Variants in CENPF observed in about 807,000 individuals in gnomAD.
CENPF encodes AH antigen.
Under a neutral mutation model 307.3 loss-of-function variants are expected in CENPF, and 214 were observed. The ratio of observed to expected loss-of-function variants is 0.70; its 90% confidence interval spans 0.62 to 0.78. The LOEUF is 0.78. Among genes scored for constraint, CENPF ranks in the 30% least tolerant of loss-of-function variants. The pLI is 0.00. For synonymous variants in CENPF, 1,259 were observed against 1,270.6 expected, an observed-to-expected ratio of 0.99 and a Z score of 0.19; for missense variants, 3,401 against 3,483.9, an observed-to-expected ratio of 0.98 and a Z score of 0.60.
At chr1:214,631,299 C>G (rs547403049) in intron 9 of CENPF, among the ~76,000 whole-genome samples, 16 of 152,296 alleles carry the variant, frequency 1.1e-4, no homozygotes, top group African/African-American at 3.8e-4. Flanking sequence ...TTCTCTTACA[C>G]TTGAATCTGC....
chr1:214,655,443 T>C (rs760590816), intron 17 of CENPF, 40 bp downstream of exon 17: 1 of 1,515,780 alleles, frequency 6.6e-7, no homozygotes, highest in Non-Finnish European at 8.8e-7. Context: ...CCAGAACTCT[T>C]TTCCAGTAGT....
chr1:214,627,016 C>A (rs1571704873), intron 7 of CENPF, among the ~76,000 whole-genome samples: 2 of 152,184 alleles, frequency 1.3e-5, no homozygotes, highest in African/African-American at 4.8e-5. Context: ...ATATTTTTGA[C>A]TAGGATACTG....
Position 214,643,451 on chromosome 1 carries a change from A to G in CENPF, c.4986+127A>G, listed in dbSNP as rs534101295. On this transcript the variant is annotated intron_variant, in intron 12 of 19. Transcript: ENST00000366955. ...TATTTTTAGGGTTCAAGGAAATAAA[A>G]TACACCAAAATATTTTCAAAACAAA... 208 of 793,814 alleles carry G rather than the reference A, an allele frequency of 2.6e-4. No individual in the cohort carries two copies. The African/African-American group carries it at 3.5e-3, about 13-fold the overall frequency. The allele number at this position is 793,814 out of a possible 1,614,324, so 49.2% of individuals were successfully genotyped here.
chr1:214,629,133 G>A lies in CENPF; in HGVS notation c.1156G>A (p.Glu386Lys), dbSNP rs1657736964. The change falls in exon 8 of 20, where the codon GAA becomes AAA. Residue 386 changes from glutamate to lysine, a missense_variant. Transcript: ENST00000366955. The part of the protein sequence containing the change: ...QNAESARCSL[E>K]QKIKEKEKEF... ...TGCAGAAAGTGCCAGATGTTCTCTG[G>A]AACAGAAAATTAAGGAAAAAGAAAA... 1.2e-6 allele frequency: 2 copies of A among 1,609,036 alleles called. No individual in the cohort carries two copies. Among genetic ancestry groups the A allele is most frequent in the Admixed American group, 3.4e-5 (2 of 58,830 alleles).
At chr1:214,608,479 G>A in intron 1 of CENPF, 5 of 1,612,826 alleles carry the variant, frequency 3.1e-6, no homozygotes, top group African/African-American at 2.7e-5. Context: ...CAGGTCCACG[G>A]CATTGCTGTG....
chr1:214,641,099 G>C lies in CENPF; in HGVS notation c.2761G>C (p.Glu921Gln). 2 of 1,577,118 alleles carry C rather than the reference G, an allele frequency of 1.3e-6. No individual in the cohort carries two copies. The highest frequency in any genetic ancestry group is 1.7e-6 in the Non-Finnish European group (2 of 1,170,324). Reference sequence around the variant, plus strand: ...GCTGCAACTTTTAAATGATAAGGTAGAAACTGAGCAGGCAGAGATTCAAGA... The same window carrying C: ...GCTGCAACTTTTAAATGATAAGGTACAAACTGAGCAGGCAGAGATTCAAGA... ...KELQLLNDKV[E>Q]TEQAEIQELK... is the part of the protein sequence containing the mutation. Residue 921 changes from glutamate (E) to glutamine (Q), a missense_variant, in exon 12 of 20, where the codon GAA becomes CAA. Coordinates refer to ENST00000366955, the MANE Select transcript of CENPF (RefSeq NM_016343.4).
chr1:214,605,468 C>A, intron 1 of CENPF: 16 of 445,452 alleles, frequency 3.6e-5, no homozygotes, highest in Admixed American at 7.5e-5. Context: ...AATTTTAAAT[C>A]TTTAATTTCT....
rs143023033 is a variant in CENPF at position 214,642,466 on chromosome 1, G to A, written c.4128G>A (p.Gln1376=). Residue 1376 remains glutamine, a synonymous_variant, in exon 12 of 20, where the codon CAG becomes CAA. Coordinates refer to ENST00000366955, the MANE Select transcript of CENPF (RefSeq NM_016343.4). ...AATTTGGTGAACAACCAAATGAACA[G>A]CACCCTGTGTCTTTGGCTCCATTGG... ...GGEFGEQPNE[Q]HPVSLAPLDE... The A allele has an allele frequency of 4.2e-5, 67 of 1,603,616 alleles. No individual in the cohort carries two copies. The African/African-American group carries it at 8.2e-4, about 20-fold the overall frequency.
At position 214,656,939 on chromosome 1, in the gene CENPF, T is replaced by A. The variant is rs1295945132; in HGVS notation, c.8492T>A (p.Val2831Asp). 1 of 1,602,822 alleles carries A rather than the reference T, an allele frequency of 6.2e-7. No homozygotes were observed. Among genetic ancestry groups the A allele is most frequent in the South Asian group, 1.1e-5 (1 of 89,634 alleles). ...AAQEKQKTGT[V>D]MDTKVDELTT... is the part of the protein sequence containing the mutation. ...GTTGCTTTACTTTGGACAGGTACTG[T>A]TATGGATACCAAGGTCGATGAATTA... Residue 2831 changes from valine (V) to aspartate (D), a missense_variant, in exon 18 of 20, where the codon GTT becomes GAT. Physicochemically the swap from Val to Asp is radical, Grantham distance 152 (BLOSUM62 -3). Coordinates refer to ENST00000366955, the MANE Select transcript of CENPF (RefSeq NM_016343.4).
chr1:214,658,898 G>A lies in CENPF; in HGVS notation c.9011G>A (p.Arg3004Lys). ...TGKTSPYILR[R>K]TTMATRTSPR... ...AAGACTAGCCCATATATCCTGCGAA[G>A]AACAACCATGGCAACTCGGACCAGC... The change falls in exon 19 of 20, where the codon AGA (arginine) becomes AAA (lysine). Residue 3004 changes from arginine (R) to lysine (K), a missense_variant. By Grantham distance (26) the Arg-to-Lys change is conservative. Coordinates refer to ENST00000366955, the MANE Select transcript of CENPF (RefSeq NM_016343.4). The A allele has an allele frequency of 6.2e-7, 1 of 1,614,094 alleles. No homozygotes were observed. Among genetic ancestry groups the A allele is most frequent in the South Asian group, 1.1e-5 (1 of 91,072 alleles).
chr1:214,642,907 A>C lies in CENPF; in HGVS notation c.4569A>C (p.Val1523=), dbSNP rs775394307. ...EGAVSANQCS[V]DEVFCSSLQE... ...CTGTTTCAGCAAACCAGTGCAGTGT[A>C]GATGAAGTATTTTGCAGCAGTCTGC... The change falls in exon 12 of 20, where the codon GTA becomes GTC. Residue 1523 remains valine (V), a synonymous_variant. Transcript: ENST00000366955. 3 of 1,613,972 alleles carry C rather than the reference A, an allele frequency of 1.9e-6. No individual in the cohort carries two copies. The highest frequency in any genetic ancestry group is 1.1e-5 in the South Asian group (1 of 91,082).
In CENPF at chr1:214,646,393, T is replaced by G; in HGVS notation, c.6823T>G (p.Leu2275Val). The change falls in exon 13 of 20, where the codon TTG (leucine) becomes GTG (valine). Residue 2275 changes from leucine (L) to valine (V), a missense_variant. By Grantham distance (32) the Leu-to-Val change is conservative (BLOSUM62 1). Coordinates refer to ENST00000366955, the MANE Select transcript of CENPF (RefSeq NM_016343.4). ...GGAGCTAAATGAGGCAGTAGCAGCC[T>G]TGTGTGGTGACCAAGAAATTATGAA... ...LKELNEAVAA[L>V]CGDQEIMKAT... is the part of the protein sequence containing the mutation. 1 of 1,614,086 alleles carries G rather than the reference T, an allele frequency of 6.2e-7. No individual in the cohort carries two copies. The highest frequency in any genetic ancestry group is 8.5e-7 in the Non-Finnish European group (1 of 1,180,012).
In CENPF at chr1:214,646,300, GAGCA is replaced by G; in HGVS notation, c.6735_6738del (p.Ala2246ArgfsTer19). The G allele has an allele frequency of 6.2e-7, 1 of 1,614,052 alleles. No individual in the cohort carries two copies. On this transcript the variant is annotated frameshift_variant, in exon 13 of 20. Coordinates refer to ENST00000366955, the MANE Select transcript of CENPF (RefSeq NM_016343.4). LOFTEE classifies it high-confidence loss of function. The stretch of plus-strand genomic sequence containing the variant: ...ATTTAAAAGTCTGTTAGAAGAAAAG[GAGCA>G]AGCAGAGATACAGATCAAAGAAGAA...
chr1:214,657,699 C>T (rs987430919), intron 18 of CENPF, among the ~76,000 whole-genome samples: 1 of 152,164 alleles, frequency 6.6e-6, no homozygotes, highest in Non-Finnish European at 1.5e-5. Flanking sequence ...TAAGGACTCC[C>T]GTCAGCGTTT....
chr1:214,643,338 A>T lies in CENPF; in HGVS notation c.4986+14A>T. The T allele has an allele frequency of 1.4e-6, 2 of 1,458,098 alleles. No homozygotes were observed. The highest frequency in any genetic ancestry group is 3.2e-5 in the South Asian group (2 of 62,126). The allele number at this position is 1,458,098 out of a possible 1,614,324, so 90.3% of individuals were successfully genotyped here. A position where few individuals can be genotyped will look rare whatever the true frequency, so the allele number is the denominator to read the frequency against. Reference sequence around the variant, plus strand: ...GACACAGAAGATGTAAGTACCTGGGATTTAAATGCCATTTCTCGGTTTACA... The same window carrying T: ...GACACAGAAGATGTAAGTACCTGGGTTTTAAATGCCATTTCTCGGTTTACA... On this transcript the variant is annotated intron_variant, in intron 12 of 19. Transcript: ENST00000366955.
intron 3 of CENPF, among the ~76,000 whole-genome samples, chr1:214,616,069 G>A (rs1414879342): frequency 6.6e-6 from 1 of 152,086 alleles, no homozygotes; most frequent in Non-Finnish European, 1.5e-5. Context: ...CAACAAGTGA[G>A]GTTGAACCGT....
intron 1 of CENPF, among the ~76,000 whole-genome samples, chr1:214,609,186 A>G (rs1657132929): frequency 6.6e-6 from 1 of 151,776 alleles, no homozygotes. Context: ...CTGCATCGCC[A>G]CCGCCGCAGC....
At chr1:214,647,680 G>T (rs1407675457) in intron 13 of CENPF, among the ~76,000 whole-genome samples, 1 of 152,200 alleles carries the variant, frequency 6.6e-6, no homozygotes. Context: ...TTTATGCACA[G>T]TTCCTTGTTC....
At chr1:214,604,891 T>C (rs1020456979) in intron 1 of CENPF, among the ~76,000 whole-genome samples, 3 of 152,232 alleles carry the variant, frequency 2.0e-5, no homozygotes, top group African/African-American at 7.2e-5. Flanking sequence ...TCCAGGGCTT[T>C]GATATCCAAC....
Sources: gnomAD v4.1 joint callset for allele counts (sites outside exome capture counted in the v4.1 genomes callset) on GRCh38, gnomAD v4.1.1 for gene constraint, MANE v1.5 for transcripts, NCBI Gene and HGNC (gene_info 2026-07-23, HGNC 2026-07-21) for gene names.